The following NRXN3 variants were observed in gnomAD, a reference collection of about 807,000 sequenced individuals.
NRXN3 encodes the protein neurexin 3.
A neutral mutation model predicts 137.6 loss-of-function variants in NRXN3; 32 were observed. The ratio of observed to expected loss-of-function variants is 0.23; its 90% CI spans 0.18 to 0.31. NRXN3 has a LOEUF of 0.31. NRXN3 is among the 10% of genes least tolerant of loss of function. The pLI, the probability that NRXN3 is intolerant of heterozygous loss-of-function variation, is 1.00. For synonymous variants in NRXN3, 798 were observed against 784.5 expected, an observed-to-expected ratio of 1.02 and a Z score of -0.29; for missense variants, 1,574 against 2,062.5, an observed-to-expected ratio of 0.76 and a Z score of 4.59.
chr14:79,606,671 G>T (rs952123499), intron 16 of NRXN3, among the ~76,000 whole-genome samples: 1 of 152,152 alleles, frequency 6.6e-6, no homozygotes, highest in African/African-American at 2.4e-5. Flanking sequence ...TTTAATAAAT[G>T]GGTTGTGCAC....
chr14:78,879,561 T>C (rs1057461463), intron 10 of NRXN3, among the ~76,000 whole-genome samples: 4 of 152,226 alleles, frequency 2.6e-5, no homozygotes, highest in Non-Finnish European at 4.4e-5. Context: ...GCTTATTTTT[T>C]AATTGGGTTA....
intron 15 of NRXN3, among the ~76,000 whole-genome samples, chr14:79,389,059 C>G (rs966967942): frequency 6.6e-6 from 1 of 152,168 alleles, no homozygotes; most frequent in African/African-American, 2.4e-5. Flanking sequence ...TATAAATTAC[C>G]TAGTCTCAGG....
At chr14:79,704,774 G>T (rs570454941) in intron 19 of NRXN3, among the ~76,000 whole-genome samples, 8 of 152,220 alleles carry the variant, frequency 5.3e-5, no homozygotes, top group Non-Finnish European at 8.8e-5. Context: ...AATTTGGGGG[G>T]AGAGAAATTG....
intron 16 of NRXN3, among the ~76,000 whole-genome samples, chr14:79,577,135 T>C (rs1455675982): frequency 6.6e-6 from 1 of 152,200 alleles, no homozygotes; most frequent in Non-Finnish European, 1.5e-5. Context: ...CCTGCTGCCA[T>C]GACTTTGCTC....
rs371939134 is a variant in NRXN3, at chr14:79,065,467, C to G, written c.3262+77326C>G. Among the ~76,000 whole-genome samples, 39 of 152,100 alleles carry G rather than the reference C, an allele frequency of 2.6e-4. 1 individual carries two copies. Among genetic ancestry groups the G allele is most frequent in the African/African-American group, 9.4e-4 (39 of 41,508 alleles). ...GAAAGGGTGGCCATGTAGCCTATGGCAGATATTTTGAATTTTCACTGAGAG... is the reference window on the plus strand; with the variant it reads ...GAAAGGGTGGCCATGTAGCCTATGGGAGATATTTTGAATTTTCACTGAGAG... On this transcript the variant is annotated intron_variant, in intron 15 of 20. Coordinates refer to ENST00000335750, the MANE Select transcript of NRXN3 (RefSeq NM_001330195.2).
chr14:78,575,188 A>G (rs568465371), intron 4 of NRXN3, among the ~76,000 whole-genome samples: 17 of 152,344 alleles, frequency 1.1e-4, no homozygotes, highest in African/African-American at 3.8e-4. Context: ...CTGTGAGTCA[A>G]TTAAACCTCT....
At chr14:78,546,205 CA>C (rs1341214420) in intron 4 of NRXN3, among the ~76,000 whole-genome samples, 1 of 152,224 alleles carries the variant, frequency 6.6e-6, no homozygotes, top group Non-Finnish European at 1.5e-5. Context: ...ACACCCTTTT[CA>C]CACATCCCTG....
chr14:78,522,909 T>C (rs1010171447), intron 4 of NRXN3, among the ~76,000 whole-genome samples: 2 of 152,162 alleles, frequency 1.3e-5, no homozygotes, highest in African/African-American at 4.8e-5. Flanking sequence ...TATCTAACGG[T>C]ATTCTTTAAG....
Position 79,444,795 on chromosome 14 carries a change from C to T in NRXN3, c.3263-22426C>T, listed in dbSNP as rs183511420. On this transcript the variant is annotated intron_variant, in intron 15 of 20. Coordinates refer to ENST00000335750, the MANE Select transcript of NRXN3 (RefSeq NM_001330195.2). ...GTGAGTTATGATCACCACTGCAGTC[C>T]AACCTGGGTGACAGAGTCAGACCTT... 4.1e-3 allele frequency among the ~76,000 whole-genome samples: 621 copies of T among 152,060 alleles called. 23 individuals carry two copies. Among genetic ancestry groups the T allele is most frequent in the Admixed American group, 0.036 (553 of 15,282 alleles).
At chr14:78,554,354 T>C (rs944457804) in intron 4 of NRXN3, among the ~76,000 whole-genome samples, 1 of 152,150 alleles carries the variant, frequency 6.6e-6, no homozygotes, top group African/African-American at 2.4e-5. Context: ...GCTCCTCTCC[T>C]GGGGTGGAAC....
intron 16 of NRXN3, among the ~76,000 whole-genome samples, chr14:79,500,288 A>G (rs543163106): frequency 1.6e-3 from 233 of 150,180 alleles, no homozygotes; most frequent in African/African-American, 5.5e-3. Flanking sequence ...ACTAATGATC[A>G]TTTACCCAAA....
intron 15 of NRXN3, among the ~76,000 whole-genome samples, chr14:79,040,177 C>T (rs2099622863): frequency 6.6e-6 from 1 of 152,184 alleles, no homozygotes; most frequent in Admixed American, 6.5e-5. Flanking sequence ...TCTGTCTTAT[C>T]TCCTCCAACC....
chr14:79,372,141 G>A (rs991176026), intron 15 of NRXN3, among the ~76,000 whole-genome samples: 21 of 151,782 alleles, frequency 1.4e-4, no homozygotes, highest in African/African-American at 4.4e-4. Flanking sequence ...CACATAGAGA[G>A]TGTGTGAGAG....
chr14:78,466,831 A>T (rs2095120571), intron 4 of NRXN3, among the ~76,000 whole-genome samples: 1 of 152,214 alleles, frequency 6.6e-6, no homozygotes, highest in African/African-American at 2.4e-5. Flanking sequence ...GAACATGAGG[A>T]TAGAACAACT....
Position 78,988,594 on chromosome 14 carries a change from T to C in NRXN3, c.3262+453T>C, listed in dbSNP as rs1019026289. The stretch of plus-strand genomic sequence containing the variant: ...GTTTTCTCAAAAAGTTTGAGTTCTC[T>C]GAATTTCTTAGGCCTTACAAATGAC... On this transcript the variant is annotated intron_variant, in intron 15 of 20. Transcript: ENST00000335750. Among the ~76,000 whole-genome samples the C allele has an allele frequency of 2.6e-5, 4 of 152,232 alleles. 1 individual carries two copies. Among genetic ancestry groups the C allele is most frequent in the Non-Finnish European group, 5.9e-5 (4 of 68,044 alleles).
At chr14:79,094,985 T>A (rs979329125) in intron 15 of NRXN3, among the ~76,000 whole-genome samples, 86 of 149,140 alleles carry the variant, frequency 5.8e-4, no homozygotes, top group Non-Finnish European at 1.0e-3. Flanking sequence ...AGAGAGTGTG[T>A]GTGTGTGTGT....
chr14:79,261,151 T>C (rs77566501), intron 15 of NRXN3, among the ~76,000 whole-genome samples: 1 of 151,996 alleles, frequency 6.6e-6, no homozygotes, highest in Non-Finnish European at 1.5e-5. Context: ...AGGGGCATAA[T>C]GGGAGCAGTG....
chr14:78,648,384 C>T (rs969241483), intron 5 of NRXN3, among the ~76,000 whole-genome samples: 1 of 152,186 alleles, frequency 6.6e-6, no homozygotes, highest in African/African-American at 2.4e-5. Context: ...TTTAACCTGC[C>T]AGTCTTCCCT....
chr14:78,437,019 G>A (rs2094091099), intron 4 of NRXN3, among the ~76,000 whole-genome samples: 1 of 152,188 alleles, frequency 6.6e-6, no homozygotes, highest in Non-Finnish European at 1.5e-5. Context: ...TCAGCAAGTT[G>A]CTTATCCTTT....
Sources: allele counts gnomAD v4.1 joint callset (sites outside exome capture counted in the v4.1 genomes callset), GRCh38; gene constraint gnomAD v4.1.1; transcripts MANE v1.5; gene names NCBI Gene and HGNC (gene_info 2026-07-23, HGNC 2026-07-21).